Variants in FAM149B1 observed in about 807,000 individuals in gnomAD.
FAM149B1 encodes the protein primary cilium assembly protein FAM149B1.
FAM149B1 carries 56 observed loss-of-function variants against 75.3 expected under a neutral mutation model. The ratio of observed to expected loss-of-function variants is 0.74; its 90% CI spans 0.60 to 0.93. The LOEUF is 0.93. FAM149B1 is among the 40% of genes least tolerant of loss of function. The probability of loss-of-function intolerance (pLI) is 0.00; values close to 1 mark genes in which losing one functional copy is unlikely to be tolerated. For missense variants in FAM149B1, 639 were observed against 708.4 expected, an observed-to-expected ratio of 0.90 and a Z score of 1.11; for synonymous variants, 259 against 256.1, an observed-to-expected ratio of 1.01 and a Z score of -0.11.
At chr10:73,202,456 C>T (rs2042960391) in intron 5 of FAM149B1, among the ~76,000 whole-genome samples, 1 of 145,682 alleles carries the variant, frequency 6.9e-6, no homozygotes, top group Non-Finnish European at 1.5e-5. Context: ...TGTTTGATAG[C>T]TTTTTTTTTT....
chr10:73,202,797 C>A (rs1219851159), intron 5 of FAM149B1, among the ~76,000 whole-genome samples: 1 of 151,644 alleles, frequency 6.6e-6, no homozygotes, highest in African/African-American at 2.4e-5. Context: ...CTCAGGTGAT[C>A]CTCCCACCTC....
chr10:73,177,835 T>G lies in FAM149B1; in HGVS notation c.153-11T>G. On this transcript the variant is annotated splice_polypyrimidine_tract_variant and intron_variant, in intron 2 of 13. Transcript: ENST00000242505. Reference sequence around the variant, plus strand: ...TCTTTTTTCTCTCCTCCTCCCAAATTGTGCCTTTAGCAAGTCTGACATCAC... The same window carrying G: ...TCTTTTTTCTCTCCTCCTCCCAAATGGTGCCTTTAGCAAGTCTGACATCAC... The G allele has an allele frequency of 6.5e-7, 1 of 1,540,762 alleles. No homozygotes were observed. The highest frequency in any genetic ancestry group is 1.2e-5 in the South Asian group (1 of 83,834).
chr10:73,243,192 G>C lies in FAM149B1; in HGVS notation c.*2173G>C. 3 of 550,590 alleles carry C rather than the reference G, an allele frequency of 5.4e-6. No individual in the cohort carries two copies. Among genetic ancestry groups the C allele is most frequent in the Non-Finnish European group, 3.2e-6 (1 of 314,330 alleles). 34.1% of individuals were successfully genotyped at this position (550,590 alleles called of 1,614,324 possible). ...CAAATGTCACCACCAAGTTCCTTCA[G>C]GTGAGACCTCACACAATGTCAAGTG... On this transcript the variant is annotated 3_prime_UTR_variant, in exon 14 of 14. Transcript: ENST00000242505.
chr10:73,230,430 C>G lies in FAM149B1; in HGVS notation c.1032C>G (p.Leu344=), dbSNP rs1331087215. ...VLYITSNPMS[L]CQASRHQPNV... The stretch of plus-strand genomic sequence containing the variant: ...CTTCTTTCAACACGTAGATGAGTCT[C>G]TGTCAAGCAAGCAGACATCAGCCAA... The change falls in exon 9 of 14, where the codon CTC becomes CTG. Residue 344 remains leucine (L), a synonymous_variant. Coordinates refer to ENST00000242505, the MANE Select transcript of FAM149B1 (RefSeq NM_173348.2). 1 of 1,535,136 alleles carries G rather than the reference C, an allele frequency of 6.5e-7. No homozygotes were observed. The highest frequency in any genetic ancestry group is 8.8e-7 in the Non-Finnish European group (1 of 1,131,760).
intron 5 of FAM149B1, among the ~76,000 whole-genome samples, chr10:73,207,940 G>A (rs1436024642): frequency 2.0e-5 from 3 of 152,218 alleles, no homozygotes; most frequent in Admixed American, 6.5e-5. Context: ...ACACTGGAAT[G>A]AGTCAAGACT....
intron 8 of FAM149B1, among the ~76,000 whole-genome samples, chr10:73,230,078 AT>A (rs1420194990): frequency 1.3e-5 from 2 of 152,184 alleles, no homozygotes; most frequent in African/African-American, 4.8e-5. Context: ...ACTATTTTCT[AT>A]TATTGTTCCA....
intron 3 of FAM149B1, among the ~76,000 whole-genome samples, chr10:73,189,730 T>C (rs994509489): frequency 2.0e-5 from 3 of 152,224 alleles, no homozygotes; most frequent in African/African-American, 7.2e-5. Context: ...GTCAACATTT[T>C]GGAAAAGCTG....
At chr10:73,194,363 A>G (rs147014641) in intron 5 of FAM149B1, among the ~76,000 whole-genome samples, 1 of 151,938 alleles carries the variant, frequency 6.6e-6, no homozygotes. Context: ...AACTTTTTTG[A>G]AAAAAAAGTT....
Position 73,168,289 on chromosome 10 carries a change from T to G in FAM149B1, c.-51T>G. The G allele has an allele frequency of 6.5e-7, 1 of 1,543,368 alleles. No individual in the cohort carries two copies. Among genetic ancestry groups the G allele is most frequent in the Non-Finnish European group, 8.7e-7 (1 of 1,143,516 alleles). On this transcript the variant is annotated 5_prime_UTR_variant, in exon 1 of 14. Coordinates refer to ENST00000242505, the MANE Select transcript of FAM149B1 (RefSeq NM_173348.2). Reference sequence around the variant, plus strand: ...AGGCCCGGAGGCCCCCACCCTGGCGTGCCTGCCCCGGCCGCGGCTGAGGAG... The same window carrying G: ...AGGCCCGGAGGCCCCCACCCTGGCGGGCCTGCCCCGGCCGCGGCTGAGGAG...
At chr10:73,235,573 C>G (rs1451813789) in intron 12 of FAM149B1, 1 of 665,596 alleles carries the variant, frequency 1.5e-6, no homozygotes, top group African/African-American at 1.8e-5. Context: ...TGACCACAAG[C>G]AAGAATATTA....
chr10:73,178,416 G>A (rs945150486), intron 3 of FAM149B1, among the ~76,000 whole-genome samples: 1 of 152,038 alleles, frequency 6.6e-6, no homozygotes, highest in African/African-American at 2.4e-5. Context: ...GCTTGAACGC[G>A]GGAGGTGGAG....
At chr10:73,193,792 C>G (rs1301470248) in intron 5 of FAM149B1, among the ~76,000 whole-genome samples, 199 bp downstream of exon 5, 1 of 152,062 alleles carries the variant, frequency 6.6e-6, no homozygotes, top group African/African-American at 2.4e-5. Context: ...TTAGACCTTT[C>G]CTGTAGTGGA....
At chr10:73,229,721 T>C (rs2043640523) in intron 8 of FAM149B1, among the ~76,000 whole-genome samples, 1 of 152,224 alleles carries the variant, frequency 6.6e-6, no homozygotes, top group African/African-American at 2.4e-5. Context: ...CCTGAATAGT[T>C]AGACGTTCTG....
intron 1 of FAM149B1, 33 bp downstream of exon 1, chr10:73,168,419 C>G: frequency 6.5e-7 from 1 of 1,547,516 alleles, no homozygotes; most frequent in Non-Finnish European, 8.7e-7. Flanking sequence ...CCAGCCGGGG[C>G]GGGCGGCGGG....
intron 5 of FAM149B1, chr10:73,199,703 T>C (rs2042889489): frequency 6.6e-6 from 1 of 152,248 alleles, no homozygotes; most frequent in East Asian, 1.9e-4. Context: ...ATTACAGACA[T>C]TATATAAATT....
At chr10:73,193,294 CCAT>C (rs1483246993) in intron 4 of FAM149B1, among the ~76,000 whole-genome samples, 180 bp from the exon 5 acceptor site, 1 of 144,240 alleles carries the variant, frequency 6.9e-6, no homozygotes, top group East Asian at 2.2e-4. Context: ...TTTTCCATCT[CCAT>C]TCTATGGAAG....
At chr10:73,236,291 A>G (rs775382542) in intron 12 of FAM149B1, among the ~76,000 whole-genome samples, 14 of 152,214 alleles carry the variant, frequency 9.2e-5, no homozygotes, top group Non-Finnish European at 1.9e-4. Flanking sequence ...CAAGGTGTCA[A>G]CAGAGCTATG....
At position 73,193,477 on chromosome 10, in the gene FAM149B1, G is replaced by C; in HGVS notation, c.426G>C (p.Arg142Ser). 5 of 1,545,148 alleles carry C rather than the reference G, an allele frequency of 3.2e-6. No individual in the cohort carries two copies. The highest frequency in any genetic ancestry group is 4.4e-6 in the Non-Finnish European group (5 of 1,144,882). The change falls in exon 5 of 14, where the codon AGG becomes AGC. Residue 142 changes from arginine to serine, a missense_variant and splice_region_variant. Transcript: ENST00000242505. ...QQWTASFPHLRILGRQIITPS... is the reference protein window; with the variant it reads ...QQWTASFPHLSILGRQIITPS... ...GTGTCTGTGTTTCTTCATTTTGAAG[G>C]ATTCTAGGTAGGCAGATAATCACTC...
intron 8 of FAM149B1, among the ~76,000 whole-genome samples, chr10:73,229,717 T>C (rs1340119775): frequency 2.0e-5 from 3 of 152,134 alleles, no homozygotes; most frequent in African/African-American, 7.2e-5. Context: ...AAGCCCTGAA[T>C]AGTTAGACGT....
Sources: allele counts gnomAD v4.1 joint callset (sites outside exome capture counted in the v4.1 genomes callset), GRCh38; gene constraint gnomAD v4.1.1; transcripts MANE v1.5; gene names NCBI Gene and HGNC (gene_info 2026-07-23, HGNC 2026-07-21).